The following NBAS variants were observed in gnomAD, a reference collection of about 807,000 sequenced individuals.
NBAS encodes NBAS subunit of NRZ tethering complex, also known as NAG/BC035112 fusion.
A neutral mutation model predicts 302.5 loss-of-function variants in NBAS; 219 were observed. The ratio of observed to expected loss-of-function variants is 0.72; its 90% CI spans 0.65 to 0.81. The LOEUF (loss-of-function observed/expected upper bound fraction) is 0.81, where lower values mean the gene tolerates loss of function less well. NBAS is among the 30% of genes least tolerant of loss of function. The pLI, the probability that NBAS is intolerant of heterozygous loss-of-function variation, is 0.00. For missense variants in NBAS, 2,932 were observed against 2,841.6 expected (o/e 1.03, Z -0.72); for synonymous variants, 1,118 against 1,021.6 (o/e 1.09, Z -1.80).
At chr2:15,019,104 T>G in the NBAS span, among the ~76,000 whole-genome samples, 1 of 152,336 alleles carries the variant, frequency 6.6e-6, no homozygotes, top group Non-Finnish European at 1.5e-5. Context: ...AAGCCATGTC[T>G]AATTCCTTTC....
At chr2:15,554,650 G>T (rs1664561038) in intron 3 of NBAS, among the ~76,000 whole-genome samples, 1 of 149,082 alleles carries the variant, frequency 6.7e-6, no homozygotes, top group African/African-American at 2.5e-5. Context: ...ACCAAAGAGA[G>T]GACAGGAGTT....
chr2:15,361,643 A>G (rs1673930664), intron 32 of NBAS, among the ~76,000 whole-genome samples: 1 of 152,252 alleles, frequency 6.6e-6, no homozygotes, highest in Non-Finnish European at 1.5e-5. Context: ...CAAAAATCTA[A>G]TATATTTCAT....
chr2:14,988,157 A>C, the NBAS span, among the ~76,000 whole-genome samples: 1 of 152,204 alleles, frequency 6.6e-6, no homozygotes. Flanking sequence ...CCTCCAAAAT[A>C]AGGTGAAAAA....
At chr2:15,003,016 TGC>T in the NBAS span, among the ~76,000 whole-genome samples, 216 of 152,314 alleles carry the variant, frequency 1.4e-3, no homozygotes, top group Admixed American at 2.5e-3. Context: ...GCTCCTCAAG[TGC>T]AGCCAAAGTA....
At chr2:15,457,780 A>G (rs1313018505) in intron 21 of NBAS, among the ~76,000 whole-genome samples, 1 of 152,250 alleles carries the variant, frequency 6.6e-6, no homozygotes, top group Non-Finnish European at 1.5e-5. Context: ...TCAAGTATTC[A>G]AAGAACCCTC....
At chr2:14,866,041 G>A in the NBAS span, among the ~76,000 whole-genome samples, 1 of 152,012 alleles carries the variant, frequency 6.6e-6, no homozygotes, top group Non-Finnish European at 1.5e-5. Flanking sequence ...AGTCTCTCGG[G>A]CCACTACATG....
chr2:15,038,598 T>C, the NBAS span, among the ~76,000 whole-genome samples: 1 of 152,192 alleles, frequency 6.6e-6, no homozygotes, highest in African/African-American at 2.4e-5. Context: ...AGACATGTCA[T>C]ATTGTTTTAC....
chr2:14,920,960 A>C, the NBAS span, among the ~76,000 whole-genome samples: 1 of 151,634 alleles, frequency 6.6e-6, no homozygotes, highest in Non-Finnish European at 1.5e-5. Flanking sequence ...AATTTCCCTC[A>C]GGAACTTTTC....
At chr2:15,541,561 G>T (rs1277820220) in intron 6 of NBAS, among the ~76,000 whole-genome samples, 2 of 152,050 alleles carry the variant, frequency 1.3e-5, no homozygotes, top group Non-Finnish European at 2.9e-5. Context: ...TTATCAATAG[G>T]TTAAAAGTAT....
the NBAS span, among the ~76,000 whole-genome samples, chr2:14,834,292 C>A: frequency 2.0e-5 from 3 of 152,226 alleles, no homozygotes; most frequent in South Asian, 4.1e-4. Flanking sequence ...TACTGAACAA[C>A]CCCATCTTTG....
chr2:14,863,618 G>A, the NBAS span, among the ~76,000 whole-genome samples: 2 of 152,206 alleles, frequency 1.3e-5, no homozygotes, highest in African/African-American at 4.8e-5. Context: ...CTTGGTTCCT[G>A]CAGGCCATCT....
chr2:15,152,692 A>C, the NBAS span, among the ~76,000 whole-genome samples: 2 of 152,212 alleles, frequency 1.3e-5, no homozygotes, highest in Admixed American at 6.5e-5. Flanking sequence ...TGATGAAATA[A>C]ATTCTAGTAA....
chr2:14,793,042 C>T, the NBAS span, among the ~76,000 whole-genome samples: 1 of 150,834 alleles, frequency 6.6e-6, no homozygotes, highest in Admixed American at 6.6e-5. Context: ...CTAGGATGTT[C>T]ATTCTCATTC....
chr2:15,363,247 T>C (rs1427124654), intron 32 of NBAS, among the ~76,000 whole-genome samples: 1 of 152,194 alleles, frequency 6.6e-6, no homozygotes, highest in Non-Finnish European at 1.5e-5. Context: ...TAAAAGCCCA[T>C]TCCTGGTAAT....
the NBAS span, among the ~76,000 whole-genome samples, chr2:14,963,539 G>A: frequency 0.16 from 24,188 of 152,154 alleles, 2,619 homozygotes; most frequent in African/African-American, 0.31. Context: ...GAACTGGAAG[G>A]TGTGTGTTTA....
chr2:15,462,371 C>T (rs537130614), intron 19 of NBAS, among the ~76,000 whole-genome samples: 1 of 152,086 alleles, frequency 6.6e-6, no homozygotes, highest in Non-Finnish European at 1.5e-5. Flanking sequence ...TCTGGGAGGA[C>T]AGAGAAGTGG....
chr2:15,455,767 C>G (rs145187922), intron 21 of NBAS, among the ~76,000 whole-genome samples: 2,003 of 149,454 alleles, frequency 0.013, 34 homozygotes, highest in East Asian at 0.059. Context: ...ACTAGATAGT[C>G]AATGCTCTTG....
intron 12 of NBAS, among the ~76,000 whole-genome samples, chr2:15,488,570 T>C (rs1168980554): frequency 1.3e-5 from 2 of 152,174 alleles, no homozygotes; most frequent in African/African-American, 2.4e-5. Flanking sequence ...AAATCCTTGA[T>C]AATATTAACT....
chr2:14,994,806 C>T, the NBAS span, among the ~76,000 whole-genome samples: 21 of 152,300 alleles, frequency 1.4e-4, no homozygotes, highest in African/African-American at 5.1e-4. Context: ...CCTTAGCACA[C>T]GCTGAAGCTC....
Sources: gnomAD v4.1 joint callset for allele counts (sites outside exome capture counted in the v4.1 genomes callset) on GRCh38, gnomAD v4.1.1 for gene constraint, MANE v1.5 for transcripts, NCBI Gene and HGNC (gene_info 2026-07-23, HGNC 2026-07-21) for gene names.